The following RCN2 variants were observed in gnomAD, a reference collection of about 807,000 sequenced individuals.
RCN2 encodes reticulocalbin 2, also known as reticulocalbin-2.
Under a neutral mutation model 37.5 loss-of-function variants are expected in RCN2, and 23 were observed. The ratio of observed to expected loss-of-function variants is 0.61; its 90% CI spans 0.44 to 0.87. The LOEUF is 0.87. Ranked by LOEUF, RCN2 falls within the 40% of genes least tolerant of loss-of-function variation. The pLI is 0.00. For synonymous variants in RCN2, 140 were observed against 144.6 expected (o/e 0.97, Z 0.23); for missense variants, 381 against 390.4 (o/e 0.98, Z 0.20).
chr15:76,941,786 G>T, intron 3 of RCN2: 2 of 624,838 alleles, frequency 3.2e-6, no homozygotes, highest in South Asian at 3.3e-5. Flanking sequence ...AGAAATCTCA[G>T]CTTGTTGAAA....
Position 76,947,416 on chromosome 15 carries a change from A to T in RCN2, c.562-5A>T. On this transcript the variant is annotated splice_polypyrimidine_tract_variant and splice_region_variant and intron_variant, in intron 4 of 6. Transcript: ENST00000394885. ...TTTTTTTCTTTTTTAATGAACGTGG[A>T]ATAGGAATTTGTCATTCAAGAAGCT... 6.4e-7 allele frequency: 1 copy of T among 1,566,172 alleles called. No homozygotes were observed. The highest frequency in any genetic ancestry group is 8.7e-7 in the Non-Finnish European group (1 of 1,150,774).
chr15:76,948,778 A>C, intron 6 of RCN2: 1 of 532,218 alleles, frequency 1.9e-6, no homozygotes, highest in Non-Finnish European at 3.2e-6. Flanking sequence ...ATAGAATAAT[A>C]GTTTGTATTT....
chr15:76,937,089 T>G (rs2075253926), intron 3 of RCN2, among the ~76,000 whole-genome samples: 1 of 152,262 alleles, frequency 6.6e-6, no homozygotes, highest in Non-Finnish European at 1.5e-5. Context: ...GATTCTTCCA[T>G]TTTGTAGCAT....
chr15:76,951,013 C>T lies in RCN2; in HGVS notation c.*1791C>T, dbSNP rs1348705669. ...TCTGGCTATAGCAGTTTTAGAATTA[C>T]AGATTTACCACTATCACTCATCTGT... On this transcript the variant is annotated 3_prime_UTR_variant, in exon 7 of 7. Transcript: ENST00000394885. 6.6e-6 allele frequency: 1 copy of T among 152,220 alleles called. No homozygotes were observed. The highest frequency in any genetic ancestry group is 2.4e-5 in the African/African-American group (1 of 41,462). 9.4% of individuals were successfully genotyped at this position (152,220 alleles called of 1,614,324 possible).
At position 76,953,593 on chromosome 15, in the gene RCN2, A is replaced by ATATATATATATATATT. The variant is rs1568463559; in HGVS notation, c.*4372_*4373insATATATATATATATTT. The ATATATATATATATATT allele has an allele frequency of 1.0e-4, 1 of 9,834 alleles. No individual in the cohort carries two copies. Among genetic ancestry groups the ATATATATATATATATT allele is most frequent in the Non-Finnish European group, 1.9e-4 (1 of 5,278 alleles). The allele number at this position is 9,834 out of a possible 1,614,324, so 0.6% of individuals were successfully genotyped here. On this transcript the variant is annotated 3_prime_UTR_variant, in exon 7 of 7. Coordinates refer to ENST00000394885, the MANE Select transcript of RCN2 (RefSeq NM_002902.3). Reference sequence around the variant, plus strand: ...TATATATATATATATATATATATATATTTTTTTTTTTTTTTTTTTTTTTTT... The same window carrying ATATATATATATATATT: ...TATATATATATATATATATATATATATATATATATATATATTTTTTTTTTTTTTTTTTTTTTTTTTT...
At chr15:76,935,401 A>G (rs2075242682) in intron 2 of RCN2, 125 bp from the exon 3 acceptor site, 4 of 672,820 alleles carry the variant, frequency 5.9e-6, no homozygotes, top group East Asian at 2.7e-5. Flanking sequence ...TATTAATACA[A>G]CTAGGCCAAT....
chr15:76,935,787 T>A, intron 3 of RCN2, 65 bp downstream of exon 3: 2 of 1,219,724 alleles, frequency 1.6e-6, no homozygotes, highest in Non-Finnish European at 2.3e-6. Context: ...CCTGCATGAA[T>A]GAGCACATTG....
chr15:76,935,991 G>GT (rs2075245873), intron 3 of RCN2, among the ~76,000 whole-genome samples: 1 of 152,064 alleles, frequency 6.6e-6, no homozygotes, highest in African/African-American at 2.4e-5. Context: ...TTTTAAATGT[G>GT]TTTTGAATGA....
At chr15:76,945,555 A>C (rs2075293255) in intron 4 of RCN2, among the ~76,000 whole-genome samples, 1 of 152,224 alleles carries the variant, frequency 6.6e-6, no homozygotes, top group African/African-American at 2.4e-5. Context: ...TGACTTGGCC[A>C]AGCTTGAAAG....
Position 76,931,823 on chromosome 15 carries a change from T to C in RCN2, c.-19T>C. The C allele has an allele frequency of 8.2e-7, 1 of 1,214,850 alleles. No individual in the cohort carries two copies. Among genetic ancestry groups the C allele is most frequent in the Non-Finnish European group, 1.0e-6 (1 of 978,644 alleles). 75.3% of individuals were successfully genotyped at this position (1,214,850 alleles called of 1,614,324 possible). On this transcript the variant is annotated 5_prime_UTR_variant, in exon 1 of 7. Coordinates refer to ENST00000394885, the MANE Select transcript of RCN2 (RefSeq NM_002902.3). Reference sequence around the variant, plus strand: ...GCCTCCCTCCTCGCGTCCCTCGGTGTCCTCCGCGGGCCGGCGCGATGCGGC... The same window carrying C: ...GCCTCCCTCCTCGCGTCCCTCGGTGCCCTCCGCGGGCCGGCGCGATGCGGC...
In RCN2 at chr15:76,952,781, C is replaced by G. The variant is rs2075327488; in HGVS notation, c.*3559C>G. The G allele has an allele frequency of 6.6e-6, 1 of 151,936 alleles. No homozygotes were observed. The highest frequency in any genetic ancestry group is 2.4e-5 in the African/African-American group (1 of 41,334). The allele number at this position is 151,936 out of a possible 1,614,324, so 9.4% of individuals were successfully genotyped here. On this transcript the variant is annotated 3_prime_UTR_variant, in exon 7 of 7. Coordinates refer to ENST00000394885, the MANE Select transcript of RCN2 (RefSeq NM_002902.3). ...GATTACAGGCGGGCACCACCATGCC[C>G]CCTAATTTTTTGTATTTAGTAGAAA... is the stretch of plus-strand genomic sequence containing the variant.
At chr15:76,939,230 A>AT (rs1568459896) in intron 3 of RCN2, among the ~76,000 whole-genome samples, 17 of 121,198 alleles carry the variant, frequency 1.4e-4, no homozygotes, top group African/African-American at 5.4e-4. Context: ...CCTCATTTCT[A>AT]AAAATAAATA....
chr15:76,940,325 AAATTGATGTGG>A (rs2075271659), intron 3 of RCN2, among the ~76,000 whole-genome samples: 1 of 152,110 alleles, frequency 6.6e-6, no homozygotes, highest in Non-Finnish European at 1.5e-5. Flanking sequence ...AACGTCCTAA[AAATTGATGTGG>A]AGTGTAAAGA....
rs775308337 is a variant in RCN2 at position 76,949,049 on chromosome 15, CTTT to C, written c.802-17_802-15del. ...CTGAAAATACTTATTACACTTGACA[CTTT>C]TTTGTTTTATTTTGAAGGCGCTTCA... On this transcript the variant is annotated intron_variant, in intron 6 of 6. Coordinates refer to ENST00000394885, the MANE Select transcript of RCN2 (RefSeq NM_002902.3). The C allele has an allele frequency of 6.3e-7, 1 of 1,579,334 alleles. No individual in the cohort carries two copies. Among genetic ancestry groups the C allele is most frequent in the Non-Finnish European group, 8.6e-7 (1 of 1,165,312 alleles).
intron 2 of RCN2, among the ~76,000 whole-genome samples, chr15:76,933,954 G>T (rs555483574): frequency 2.6e-5 from 4 of 152,230 alleles, no homozygotes; most frequent in Admixed American, 2.6e-4. Flanking sequence ...TGAAGGCTTG[G>T]ACTTTTCTGA....
chr15:76,937,218 G>C (rs775752288), intron 3 of RCN2, among the ~76,000 whole-genome samples: 1 of 152,022 alleles, frequency 6.6e-6, no homozygotes, highest in Non-Finnish European at 1.5e-5. Flanking sequence ...GCACTGACAC[G>C]ACACTCAAAA....
intron 4 of RCN2, among the ~76,000 whole-genome samples, chr15:76,945,171 A>G (rs2075292063): frequency 6.6e-6 from 1 of 152,164 alleles, no homozygotes; most frequent in South Asian, 2.1e-4. Flanking sequence ...GAAAGACTGA[A>G]TTTTTAAATC....
intron 4 of RCN2, 52 bp downstream of exon 4, chr15:76,943,923 A>C: frequency 9.8e-7 from 1 of 1,018,886 alleles, no homozygotes. Context: ...AACTTTAAAA[A>C]AATATATTTA....
intron 3 of RCN2, 160 bp from the exon 4 acceptor site, chr15:76,943,598 C>G: frequency 1.9e-6 from 1 of 526,496 alleles, no homozygotes; most frequent in Non-Finnish European, 3.5e-6. Context: ...TGAGTCTATC[C>G]TGCCCCTAAT....
Sources: gnomAD v4.1 joint callset for allele counts (sites outside exome capture counted in the v4.1 genomes callset) on GRCh38, gnomAD v4.1.1 for gene constraint, MANE v1.5 for transcripts, NCBI Gene and HGNC (gene_info 2026-07-23, HGNC 2026-07-21) for gene names.